Variants in FSTL5 observed in about 807,000 individuals in gnomAD.
FSTL5 encodes the protein follistatin like 5.
A neutral mutation model predicts 89.1 loss-of-function variants in FSTL5; 62 were observed. The observed-to-expected ratio is 0.70, with a 90% CI of 0.57 to 0.86. The LOEUF (loss-of-function observed/expected upper bound fraction) is 0.86. FSTL5 is among the 40% of genes least tolerant of loss of function. FSTL5 has a pLI of 0.00. For missense variants in FSTL5, 1,057 were observed against 1,001.6 expected, an observed-to-expected ratio of 1.06 and a Z score of -0.75; for synonymous variants, 383 against 346.2, an observed-to-expected ratio of 1.11 and a Z score of -1.18.
At chr4:161,752,183 T>A (rs569169793) in intron 6 of FSTL5, among the ~76,000 whole-genome samples, 5 of 152,122 alleles carry the variant, frequency 3.3e-5, no homozygotes, top group African/African-American at 9.6e-5. Flanking sequence ...AGGATGCCTG[T>A]GAAACCACTA....
intron 1 of FSTL5, among the ~76,000 whole-genome samples, chr4:162,157,220 C>T (rs1022653499): frequency 2.0e-5 from 3 of 151,924 alleles, no homozygotes; most frequent in South Asian, 2.1e-4. Context: ...GTACCTGCTG[C>T]GTATTGTATA....
chr4:161,577,604 T>C (rs1482423197), intron 8 of FSTL5, among the ~76,000 whole-genome samples: 5 of 151,922 alleles, frequency 3.3e-5, no homozygotes, highest in Non-Finnish European at 7.4e-5. Flanking sequence ...TACGAGAAGT[T>C]GGAATTCACA....
Position 161,538,257 on chromosome 4 carries a change from A to G in FSTL5, c.1221T>C (p.Asp407=), listed in dbSNP as rs372208394. Residue 407 remains aspartate, a synonymous_variant, in exon 10 of 16, where the codon GAT becomes GAC. Coordinates refer to ENST00000306100, the MANE Select transcript of FSTL5 (RefSeq NM_020116.5). ...EVHISNVRYE[D]TGAYTCIAKN... ...TTGCGATACAAGTGTATGCTCCAGT[A>G]TCTTCATAGCGCACATTGCTTATGT... 2 of 1,613,948 alleles carry G rather than the reference A, an allele frequency of 1.2e-6. No individual in the cohort carries two copies. The highest frequency in any genetic ancestry group is 1.3e-5 in the African/African-American group (1 of 74,910).
At chr4:161,467,915 T>A (rs535278286) in intron 13 of FSTL5, among the ~76,000 whole-genome samples, 1 of 152,204 alleles carries the variant, frequency 6.6e-6, no homozygotes, top group Admixed American at 6.5e-5. Flanking sequence ...CTTGAGGTAG[T>A]TATCTACAGT....
chr4:161,510,516 A>AT (rs1730618243), intron 10 of FSTL5, 92 bp from the exon 11 acceptor site: 1 of 701,410 alleles, frequency 1.4e-6, no homozygotes, highest in South Asian at 2.1e-5. Flanking sequence ...AAGATGTCAA[A>AT]TATCTATGAT....
chr4:161,996,632 C>A (rs1303550813), intron 3 of FSTL5, among the ~76,000 whole-genome samples: 1 of 152,206 alleles, frequency 6.6e-6, no homozygotes, highest in Non-Finnish European at 1.5e-5. Context: ...TTGCCTACAG[C>A]CTAATACTTT....
intron 6 of FSTL5, among the ~76,000 whole-genome samples, chr4:161,748,386 G>GT (rs889379863): frequency 4.6e-5 from 7 of 152,014 alleles, no homozygotes; most frequent in Non-Finnish European, 7.4e-5. Flanking sequence ...TCCTGAAAAA[G>GT]TTTTTTTAGC....
intron 4 of FSTL5, among the ~76,000 whole-genome samples, chr4:161,829,139 T>TTATATATATATATATATATA (rs56839306): frequency 2.1e-5 from 3 of 139,934 alleles, no homozygotes; most frequent in Non-Finnish European, 3.1e-5. Flanking sequence ...CAGTCACATT[T>TTATATATATATATATATATA]TATATATATA....
chr4:162,064,504 G>A (rs1000382756), intron 2 of FSTL5, among the ~76,000 whole-genome samples: 8 of 152,006 alleles, frequency 5.3e-5, no homozygotes, highest in Non-Finnish European at 1.2e-4. Flanking sequence ...AAGGTAAAAA[G>A]TAGTTTCTTT....
intron 15 of FSTL5, among the ~76,000 whole-genome samples, chr4:161,445,506 A>T (rs1487588322): frequency 6.6e-6 from 1 of 152,008 alleles, no homozygotes; most frequent in Non-Finnish European, 1.5e-5. Flanking sequence ...CTTTATTAAT[A>T]AGAATAAATA....
At chr4:162,079,732 C>T (rs111540041) in intron 2 of FSTL5, among the ~76,000 whole-genome samples, 3 of 151,350 alleles carry the variant, frequency 2.0e-5, no homozygotes, top group African/African-American at 7.2e-5. Flanking sequence ...AGGCTCAATT[C>T]ACTCAAGAAA....
At chr4:161,911,668 C>T (rs570941982) in intron 4 of FSTL5, among the ~76,000 whole-genome samples, 4 of 152,182 alleles carry the variant, frequency 2.6e-5, no homozygotes, top group South Asian at 2.1e-4. Context: ...TTTATCGAAA[C>T]GAGAGGGCCA....
chr4:161,776,765 A>G (rs1741426517), intron 4 of FSTL5, among the ~76,000 whole-genome samples: 1 of 151,944 alleles, frequency 6.6e-6, no homozygotes, highest in Non-Finnish European at 1.5e-5. Flanking sequence ...GTACATATTT[A>G]TGGGTTACAT....
chr4:161,608,292 AC>A (rs1204538122), intron 7 of FSTL5, among the ~76,000 whole-genome samples: 2 of 152,126 alleles, frequency 1.3e-5, no homozygotes, highest in Non-Finnish European at 2.9e-5. Flanking sequence ...ATGGGAATAA[AC>A]TTTTTAAAGT....
intron 11 of FSTL5, among the ~76,000 whole-genome samples, chr4:161,504,050 C>T (rs1448787564): frequency 2.6e-5 from 4 of 151,862 alleles, no homozygotes; most frequent in Admixed American, 2.6e-4. Flanking sequence ...CCAGCATCTT[C>T]TATTAAGCCT....
chr4:161,593,481 A>C (rs995624662), intron 7 of FSTL5, among the ~76,000 whole-genome samples: 6 of 151,964 alleles, frequency 3.9e-5, no homozygotes, highest in African/African-American at 1.5e-4. Context: ...ATCTTCTGAC[A>C]GAGAAAAAAA....
At chr4:161,538,613 T>C (rs1378268322) in intron 9 of FSTL5, among the ~76,000 whole-genome samples, 2 of 152,178 alleles carry the variant, frequency 1.3e-5, no homozygotes, top group Non-Finnish European at 2.9e-5. Context: ...TATTTACTTA[T>C]AATATTCAGA....
chr4:161,812,879 C>CAAAAAAAAAAAAAAAAAAAAA (rs35183730), intron 4 of FSTL5, among the ~76,000 whole-genome samples: 8 of 41,566 alleles, frequency 1.9e-4, no homozygotes, highest in South Asian at 1.6e-3. Flanking sequence ...TAAATCCCAG[C>CAAAAAAAAAAAAAAAAAAAAA]AAAAAAAAAA....
chr4:161,709,986 T>A (rs1738723400), intron 6 of FSTL5, among the ~76,000 whole-genome samples: 1 of 152,140 alleles, frequency 6.6e-6, no homozygotes, highest in Non-Finnish European at 1.5e-5. Context: ...AGTTGTTTTT[T>A]GAGACAGGAT....
Sources: gnomAD v4.1 joint callset for allele counts (sites outside exome capture counted in the v4.1 genomes callset) on GRCh38, gnomAD v4.1.1 for gene constraint, MANE v1.5 for transcripts, NCBI Gene and HGNC (gene_info 2026-07-23, HGNC 2026-07-21) for gene names.